The following RNF180 variants were observed in gnomAD, a reference collection of about 807,000 sequenced individuals.
RNF180 encodes ring finger protein 180.
A neutral mutation model predicts 59.2 loss-of-function variants in RNF180; 38 were observed. That is an observed-to-expected ratio of 0.64 (90% confidence interval 0.50 to 0.84). The LOEUF (loss-of-function observed/expected upper bound fraction) is 0.84. Among genes scored for constraint, RNF180 ranks in the 40% least tolerant of loss-of-function variants. The probability of loss-of-function intolerance (pLI) is 0.00; values close to 1 mark genes in which losing one functional copy is unlikely to be tolerated. For missense variants in RNF180, 705 were observed against 700.9 expected, an observed-to-expected ratio of 1.01 and a Z score of -0.07; for synonymous variants, 262 against 240.3, an observed-to-expected ratio of 1.09 and a Z score of -0.84.
chr5:64,317,373 T>TA (rs575980743), intron 5 of RNF180, among the ~76,000 whole-genome samples: 70 of 152,066 alleles, frequency 4.6e-4, no homozygotes, highest in South Asian at 3.3e-3. Context: ...ACTTTATTGC[T>TA]AAAAAAATAC....
At chr5:64,365,696 A>G (rs1241238761) in intron 7 of RNF180, among the ~76,000 whole-genome samples, 2 of 151,398 alleles carry the variant, frequency 1.3e-5, no homozygotes, top group Non-Finnish European at 3.0e-5. Flanking sequence ...TAGGTTAAGT[A>G]TTCTTATGGA....
intron 5 of RNF180, among the ~76,000 whole-genome samples, chr5:64,310,266 T>C (rs955783885): frequency 6.6e-6 from 1 of 151,782 alleles, no homozygotes; most frequent in Non-Finnish European, 1.5e-5. Flanking sequence ...ATTAATATAA[T>C]TTGTCATATG....
chr5:64,233,367 G>A (rs913075168), intron 5 of RNF180, among the ~76,000 whole-genome samples: 1 of 152,162 alleles, frequency 6.6e-6, no homozygotes, highest in African/African-American at 2.4e-5. Context: ...GATTTCAGCA[G>A]TTATAGGACT....
At chr5:64,257,926 A>C (rs1744080458) in intron 5 of RNF180, among the ~76,000 whole-genome samples, 1 of 152,218 alleles carries the variant, frequency 6.6e-6, no homozygotes, top group Non-Finnish European at 1.5e-5. Context: ...GGAAACAAAG[A>C]AAAGGACATA....
In RNF180 at chr5:64,166,851, G is replaced by A. The variant is rs116126325; in HGVS notation, c.-1+898G>A. ...ACTAGAGTTGTCCTTGGTCCAGTTG[G>A]TCTCTTAGTCTCAAACAAAATTTAG... On this transcript the variant is annotated intron_variant, in intron 1 of 7. Transcript: ENST00000389100. Among the ~76,000 whole-genome samples, 708 of 152,300 alleles carry A rather than the reference G, an allele frequency of 4.6e-3. 5 individuals are homozygous for A. Among genetic ancestry groups the A allele is most frequent in the African/African-American group, 0.016 (684 of 41,572 alleles).
intron 5 of RNF180, among the ~76,000 whole-genome samples, chr5:64,324,486 A>T (rs954839221): frequency 6.6e-6 from 1 of 152,256 alleles, no homozygotes; most frequent in African/African-American, 2.4e-5. Context: ...CCAGCTGGAA[A>T]TCGGTTTTTT....
At chr5:64,260,163 T>C (rs1266189167) in intron 5 of RNF180, among the ~76,000 whole-genome samples, 3 of 152,192 alleles carry the variant, frequency 2.0e-5, no homozygotes, top group African/African-American at 4.8e-5. Context: ...CATATAGATA[T>C]TTCGCCCAAC....
At chr5:64,201,966 G>A (rs1160330578) in intron 2 of RNF180, among the ~76,000 whole-genome samples, 2 of 152,056 alleles carry the variant, frequency 1.3e-5, no homozygotes, top group East Asian at 3.9e-4. Context: ...GTCTCGAACC[G>A]AATACTTTTT....
chr5:64,356,259 C>CA (rs199592908), intron 7 of RNF180, among the ~76,000 whole-genome samples: 1,958 of 136,090 alleles, frequency 0.014, 90 homozygotes, highest in East Asian at 0.11. Flanking sequence ...GAGACCATCT[C>CA]AAAAAAAAAA....
At chr5:64,351,350 C>A (rs1425990646) in intron 7 of RNF180, among the ~76,000 whole-genome samples, 3 of 152,072 alleles carry the variant, frequency 2.0e-5, no homozygotes. Flanking sequence ...CATCTGCAAA[C>A]AGGGACAATT....
chr5:64,217,553 C>T (rs1561197020), intron 5 of RNF180, 157 bp downstream of exon 5: 5 of 1,163,764 alleles, frequency 4.3e-6, no homozygotes, highest in East Asian at 3.0e-5. Flanking sequence ...CATTCAAATA[C>T]ATAGACAGTT....
intron 1 of RNF180, among the ~76,000 whole-genome samples, chr5:64,184,653 A>G (rs1750784344): frequency 1.3e-5 from 2 of 151,994 alleles, no homozygotes; most frequent in African/African-American, 4.8e-5. Flanking sequence ...AGGTTTGGGG[A>G]TTTGAATTTA....
At chr5:64,301,298 T>C (rs1405643079) in intron 5 of RNF180, among the ~76,000 whole-genome samples, 1 of 151,768 alleles carries the variant, frequency 6.6e-6, no homozygotes, top group Non-Finnish European at 1.5e-5. Flanking sequence ...ATTTTAATCC[T>C]CATAGTCATT....
chr5:64,275,649 A>G (rs1360474318), intron 5 of RNF180, among the ~76,000 whole-genome samples: 1 of 152,004 alleles, frequency 6.6e-6, no homozygotes, highest in Non-Finnish European at 1.5e-5. Context: ...AAGTCTTAAT[A>G]AATACAGGGC....
At chr5:64,256,169 T>A (rs1362189604) in intron 5 of RNF180, among the ~76,000 whole-genome samples, 1 of 152,192 alleles carries the variant, frequency 6.6e-6, no homozygotes, top group African/African-American at 2.4e-5. Context: ...ACTCTGATGG[T>A]AGTTTCTTTT....
chr5:64,166,502 A>G (rs1217922342), intron 1 of RNF180, among the ~76,000 whole-genome samples: 1 of 152,196 alleles, frequency 6.6e-6, no homozygotes, highest in Non-Finnish European at 1.5e-5. Context: ...ACTTTCTGCT[A>G]GGCAGAGGTC....
chr5:64,305,213 G>A (rs540108040), intron 5 of RNF180, among the ~76,000 whole-genome samples: 1 of 151,546 alleles, frequency 6.6e-6, no homozygotes, highest in East Asian at 1.9e-4. Context: ...TACTAAACCC[G>A]CAGTGTCTCC....
chr5:64,292,326 CT>C (rs1461365914), intron 5 of RNF180, among the ~76,000 whole-genome samples: 1 of 151,928 alleles, frequency 6.6e-6, no homozygotes, highest in Non-Finnish European at 1.5e-5. Flanking sequence ...GGTCTTTTTT[CT>C]TGATGTTGTT....
At chr5:64,351,693 T>C (rs528502412) in intron 7 of RNF180, among the ~76,000 whole-genome samples, 6 of 151,868 alleles carry the variant, frequency 4.0e-5, no homozygotes, top group African/African-American at 1.2e-4. Flanking sequence ...TCTGTTTATA[T>C]GCTGGATTAC....
Sources: allele counts gnomAD v4.1 joint callset (sites outside exome capture counted in the v4.1 genomes callset), GRCh38; gene constraint gnomAD v4.1.1; transcripts MANE v1.5; gene names NCBI Gene and HGNC (gene_info 2026-07-23, HGNC 2026-07-21).